The following SGCZ variants were observed in gnomAD, a reference collection of about 807,000 sequenced individuals.
The protein encoded by SGCZ is zeta-sarcoglycan.
In SGCZ, 40 loss-of-function variants were observed where a neutral mutation model predicts 41.3. The observed-to-expected ratio is 0.97, with a 90% CI of 0.75 to 1.26. SGCZ has a LOEUF of 1.26. Among genes scored for constraint, SGCZ ranks in the 50% most tolerant of loss-of-function variants. SGCZ has a pLI of 0.00. For synonymous variants in SGCZ, 206 were observed against 137.5 expected (o/e 1.50, Z -3.49); for missense variants, 552 against 369.8 (o/e 1.49, Z -4.04).
At chr8:14,345,235 A>G (rs61386255) in intron 2 of SGCZ, among the ~76,000 whole-genome samples, 6,822 of 152,194 alleles carry the variant, frequency 0.045, 504 homozygotes, top group African/African-American at 0.15. Context: ...TTTTCACTAC[A>G]CATCCATTAG....
At chr8:14,124,308 C>G (rs1802787470) in intron 5 of SGCZ, among the ~76,000 whole-genome samples, 2 of 152,016 alleles carry the variant, frequency 1.3e-5, no homozygotes, top group Non-Finnish European at 2.9e-5. Context: ...TCCCTTTTTA[C>G]CTTTACTGTG....
intron 1 of SGCZ, among the ~76,000 whole-genome samples, chr8:14,639,355 C>T (rs1327663891): frequency 1.3e-5 from 2 of 151,482 alleles, no homozygotes. Context: ...CCTGAAGTTC[C>T]CTCCGTTAGT....
rs1803987643 is a variant in SGCZ at position 14,554,931 on chromosome 8, A to G, written c.40-5T>C. 1 of 1,540,998 alleles carries G rather than the reference A, an allele frequency of 6.5e-7. No homozygotes were observed. The highest frequency in any genetic ancestry group is 8.7e-7 in the Non-Finnish European group (1 of 1,143,100). Reference sequence around the variant, plus strand: ...TATGTATTGTTCTCGTGTCATCTGAAAAAGAAAAAAGAAAGAAAGAGAAAG... The same window carrying G: ...TATGTATTGTTCTCGTGTCATCTGAGAAAGAAAAAAGAAAGAAAGAGAAAG... On this transcript the variant is annotated splice_region_variant and splice_polypyrimidine_tract_variant and intron_variant, in intron 1 of 7. Coordinates refer to ENST00000382080, the MANE Select transcript of SGCZ (RefSeq NM_139167.4).
intron 1 of SGCZ, among the ~76,000 whole-genome samples, chr8:14,991,082 C>G (rs1403577567): frequency 6.6e-6 from 1 of 152,122 alleles, no homozygotes; most frequent in Non-Finnish European, 1.5e-5. Context: ...GTTTAAACCA[C>G]TCATACCACT....
intron 1 of SGCZ, among the ~76,000 whole-genome samples, chr8:15,067,107 A>G (rs893460197): frequency 1.3e-5 from 2 of 152,208 alleles, no homozygotes; most frequent in African/African-American, 4.8e-5. Context: ...GTAAATGTTT[A>G]TAATTTTTTA....
intron 2 of SGCZ, among the ~76,000 whole-genome samples, chr8:14,506,670 CT>C (rs1342101263): frequency 1.3e-5 from 2 of 152,164 alleles, no homozygotes; most frequent in Non-Finnish European, 2.9e-5. Flanking sequence ...TTTGCCTGCC[CT>C]TCCCCATTTA....
intron 1 of SGCZ, among the ~76,000 whole-genome samples, chr8:14,799,386 T>C (rs1252504283): frequency 2.0e-5 from 3 of 152,170 alleles, no homozygotes; most frequent in South Asian, 2.1e-4. Context: ...AAGACAGAAT[T>C]TGATTTCCAG....
Position 14,886,630 on chromosome 8 carries a change from T to C in SGCZ, c.40-331704A>G, listed in dbSNP as rs28612724. 5.7e-3 allele frequency among the ~76,000 whole-genome samples: 866 copies of C among 152,096 alleles called. 8 individuals carry two copies. The highest frequency in any genetic ancestry group is 0.02 in the African/African-American group (811 of 41,486). ...GTTCCAGGAGCAGCAGGAGGTCACA[T>C]TGATTGAGGAGAAGAAAAGAAAGAG... On this transcript the variant is annotated intron_variant, in intron 1 of 7. Coordinates refer to ENST00000382080, the MANE Select transcript of SGCZ (RefSeq NM_139167.4).
At chr8:15,218,234 G>C (rs998930645) in intron 1 of SGCZ, among the ~76,000 whole-genome samples, 1 of 152,006 alleles carries the variant, frequency 6.6e-6, no homozygotes, top group Non-Finnish European at 1.5e-5. Flanking sequence ...CAACATTTCT[G>C]AAAGCATATA....
chr8:15,118,730 G>C lies in SGCZ; in HGVS notation c.39+118855C>G, dbSNP rs910327104. 2.6e-5 allele frequency among the ~76,000 whole-genome samples: 4 copies of C among 151,646 alleles called. No homozygotes were observed. In the East Asian group the frequency reaches 5.8e-4, roughly 22 times the overall value. On this transcript the variant is annotated intron_variant, in intron 1 of 7. Transcript: ENST00000382080. ...ATCCTGTCCAATTTGTGGTATATTA[G>C]GAAAAAAAAATAGAAAAGGCACCCT...
At chr8:14,137,192 G>A (rs1303324659) in intron 5 of SGCZ, among the ~76,000 whole-genome samples, 1 of 152,216 alleles carries the variant, frequency 6.6e-6, no homozygotes, top group East Asian at 1.9e-4. Flanking sequence ...AAAGACCAAA[G>A]GTAGGTAGAT....
At chr8:14,226,881 T>A (rs948873648) in intron 4 of SGCZ, among the ~76,000 whole-genome samples, 1 of 152,120 alleles carries the variant, frequency 6.6e-6, no homozygotes, top group Non-Finnish European at 1.5e-5. Context: ...CTGCATCTTT[T>A]ATTTTAGTCA....
At chr8:14,821,543 G>A (rs1278925698) in intron 1 of SGCZ, among the ~76,000 whole-genome samples, 2 of 151,916 alleles carry the variant, frequency 1.3e-5, no homozygotes, top group African/African-American at 2.4e-5. Context: ...TATCCCTGAT[G>A]AACATAGATG....
chr8:15,160,725 G>A (rs890339284), intron 1 of SGCZ, among the ~76,000 whole-genome samples: 1 of 152,112 alleles, frequency 6.6e-6, no homozygotes, highest in Non-Finnish European at 1.5e-5. Context: ...CTAACTTTCC[G>A]ATCTTCCCCA....
At chr8:14,617,427 T>C (rs1388793691) in intron 1 of SGCZ, among the ~76,000 whole-genome samples, 1 of 152,214 alleles carries the variant, frequency 6.6e-6, no homozygotes, top group Non-Finnish European at 1.5e-5. Flanking sequence ...TTATCTGTAC[T>C]TTTATTATGT....
chr8:15,151,908 T>A (rs892805984), intron 1 of SGCZ, among the ~76,000 whole-genome samples: 2 of 152,120 alleles, frequency 1.3e-5, no homozygotes, highest in African/African-American at 4.8e-5. Context: ...AAGCGGTTAA[T>A]CCATGTGTAA....
intron 1 of SGCZ, among the ~76,000 whole-genome samples, chr8:15,016,271 C>T (rs1347422113): frequency 1.3e-5 from 2 of 152,178 alleles, no homozygotes; most frequent in African/African-American, 2.4e-5. Flanking sequence ...ACTGGTTTCA[C>T]TGCTTGTCCA....
At chr8:14,742,622 C>T (rs974409523) in intron 1 of SGCZ, among the ~76,000 whole-genome samples, 1 of 152,038 alleles carries the variant, frequency 6.6e-6, no homozygotes, top group Admixed American at 6.6e-5. Flanking sequence ...TACATACGTA[C>T]ATAACCCAGA....
At chr8:14,241,583 G>C (rs1026108302) in intron 3 of SGCZ, among the ~76,000 whole-genome samples, 33 of 150,056 alleles carry the variant, frequency 2.2e-4, no homozygotes, top group African/African-American at 8.1e-4. Context: ...TTCTGATGTA[G>C]TTATTTTTCC....
Sources: gnomAD v4.1 joint callset for allele counts (sites outside exome capture counted in the v4.1 genomes callset) on GRCh38, gnomAD v4.1.1 for gene constraint, MANE v1.5 for transcripts, NCBI Gene and HGNC (gene_info 2026-07-23, HGNC 2026-07-21) for gene names.